CDH23: variants seen among roughly 807,000 people sequenced by gnomAD.
CDH23 encodes the protein cadherin related 23, also known as cadherin-23.
A neutral mutation model predicts 317.1 loss-of-function variants in CDH23; 189 were observed. The ratio of observed to expected loss-of-function variants is 0.60; its 90% CI spans 0.53 to 0.67. The LOEUF (loss-of-function observed/expected upper bound fraction) is 0.67. CDH23 is among the 30% of genes least tolerant of loss of function. The pLI is 0.00. For synonymous variants in CDH23, 1,839 were observed against 1,876.8 expected (o/e 0.98, Z 0.52); for missense variants, 4,401 against 4,592.4 (o/e 0.96, Z 1.20).
chr10:71,625,234 G>A (rs1236284751), intron 11 of CDH23, among the ~76,000 whole-genome samples: 5 of 151,574 alleles, frequency 3.3e-5, no homozygotes, highest in Admixed American at 6.6e-5. Context: ...TGGTCCCACC[G>A]AGCGGAGGGG....
At chr10:71,656,320 G>A (rs1014796118) in intron 14 of CDH23, among the ~76,000 whole-genome samples, 19 of 152,184 alleles carry the variant, frequency 1.2e-4, no homozygotes, top group African/African-American at 4.6e-4. Flanking sequence ...TTCTGGGCAG[G>A]GCCAGGTGCC....
At chr10:71,700,617 C>A (rs1452806003) in intron 22 of CDH23, among the ~76,000 whole-genome samples, 3 of 152,170 alleles carry the variant, frequency 2.0e-5, no homozygotes, top group Non-Finnish European at 4.4e-5. Flanking sequence ...CACCTCAGAC[C>A]TGGAAGGCAG....
At chr10:71,767,178 C>T (rs148779178) in intron 38 of CDH23, among the ~76,000 whole-genome samples, 5 of 152,316 alleles carry the variant, frequency 3.3e-5, no homozygotes, top group African/African-American at 9.6e-5. Context: ...TCTCAGAATG[C>T]CAGTTTTTGT....
At chr10:71,793,107 C>G in intron 47 of CDH23, 75 bp from the exon 48 acceptor site, 1 of 1,171,968 alleles carries the variant, frequency 8.5e-7, no homozygotes, top group Non-Finnish European at 1.2e-6. Flanking sequence ...GAGAAGATCA[C>G]CAACAAATGT....
intron 1 of CDH23, among the ~76,000 whole-genome samples, chr10:71,418,323 C>A (rs1848615041): frequency 1.3e-5 from 2 of 152,212 alleles, no homozygotes; most frequent in African/African-American, 4.8e-5. Context: ...CAGCAGGCAG[C>A]AGAGCAGCTG....
At chr10:71,401,761 G>A (rs1847792570) in intron 1 of CDH23, among the ~76,000 whole-genome samples, 2 of 152,154 alleles carry the variant, frequency 1.3e-5, no homozygotes, top group Non-Finnish European at 2.9e-5. Flanking sequence ...GGTTATTCCC[G>A]GGGGCATAAT....
At chr10:71,615,267 A>C (rs1200264917) in intron 9 of CDH23, among the ~76,000 whole-genome samples, 3 of 152,224 alleles carry the variant, frequency 2.0e-5, no homozygotes, top group Non-Finnish European at 4.4e-5. Context: ...CACAGAGACC[A>C]GAAGGAGATT....
In CDH23 at chr10:71,467,095, G is replaced by A. The variant is rs141466393; in HGVS notation, c.145+20700G>A. Among the ~76,000 whole-genome samples the A allele has an allele frequency of 2.4e-3, 369 of 152,272 alleles. 4 individuals are homozygous for A. Among genetic ancestry groups the A allele is most frequent in the African/African-American group, 8.6e-3 (356 of 41,540 alleles). On this transcript the variant is annotated intron_variant, in intron 3 of 69. Transcript: ENST00000224721. ...GTTTCTCCGCAGAGGATGCTAGCAA[G>A]AGCTGCAAGGAGGGGCTGGGCACAA...
intron 1 of CDH23, among the ~76,000 whole-genome samples, chr10:71,418,743 A>C (rs1215548671): frequency 6.6e-6 from 1 of 152,190 alleles, no homozygotes; most frequent in African/African-American, 2.4e-5. Flanking sequence ...TTCTAGTCTC[A>C]TGGAGATTGT....
In CDH23 at chr10:71,439,824, C is replaced by T. The variant is rs1460310589; in HGVS notation, c.-5-3C>T. On this transcript the variant is annotated splice_polypyrimidine_tract_variant and splice_region_variant and intron_variant, in intron 1 of 69. Coordinates refer to ENST00000224721, the MANE Select transcript of CDH23 (RefSeq NM_022124.6). ...ACCCTCTTCTCTTTCTTTGTGTCCC[C>T]AGGAGCCATGGGGCGCCATGTTGCC... The T allele has an allele frequency of 6.4e-7, 1 of 1,559,886 alleles. No individual in the cohort carries two copies. Among genetic ancestry groups the T allele is most frequent in the Non-Finnish European group, 8.7e-7 (1 of 1,150,956 alleles).
intron 6 of CDH23, among the ~76,000 whole-genome samples, chr10:71,518,274 A>G (rs868739573): frequency 6.6e-6 from 1 of 152,162 alleles, no homozygotes; most frequent in Non-Finnish European, 1.5e-5. Context: ...AGCATGTTCC[A>G]TCCTGTGTCC....
chr10:71,670,192 G>T (rs964024642), intron 14 of CDH23, among the ~76,000 whole-genome samples: 3 of 152,158 alleles, frequency 2.0e-5, no homozygotes, highest in Non-Finnish European at 4.4e-5. Context: ...TATAAACCCC[G>T]CCTCGCCCCA....
chr10:71,479,900 C>G (rs902262662), intron 3 of CDH23, among the ~76,000 whole-genome samples: 1 of 152,126 alleles, frequency 6.6e-6, no homozygotes, highest in African/African-American at 2.4e-5. Context: ...AGATGATGTT[C>G]CTGTTAGTAT....
intron 16 of CDH23, among the ~76,000 whole-genome samples, chr10:71,678,151 G>A (rs147543529): frequency 7.9e-4 from 120 of 151,560 alleles, no homozygotes; most frequent in Middle Eastern, 3.4e-3. Context: ...CCCACCCCCC[G>A]ACCCATCCAC....
At chr10:71,698,714 C>T (rs1865481374) in intron 22 of CDH23, among the ~76,000 whole-genome samples, 1 of 152,168 alleles carries the variant, frequency 6.6e-6, no homozygotes, top group Non-Finnish European at 1.5e-5. Context: ...TTAGAGAGGC[C>T]CTGCCTGACT....
chr10:71,446,448 T>G, intron 3 of CDH23, 53 bp downstream of exon 3: 1 of 1,516,722 alleles, frequency 6.6e-7, no homozygotes, highest in Admixed American at 1.7e-5. Context: ...GTGCAATCCC[T>G]TCCCACAAGT....
chr10:71,525,318 G>A (rs1207560265), intron 6 of CDH23, among the ~76,000 whole-genome samples: 2 of 152,238 alleles, frequency 1.3e-5, no homozygotes, highest in Non-Finnish European at 1.5e-5. Context: ...ACTTGTTACA[G>A]CAGCCATAGG....
At chr10:71,402,701 TCCTG>T (rs1395330885) in intron 1 of CDH23, among the ~76,000 whole-genome samples, 1 of 136,396 alleles carries the variant, frequency 7.3e-6, no homozygotes, top group Non-Finnish European at 1.5e-5. Context: ...ATTGAATTCT[TCCTG>T]AGTGTGTGTG....
At chr10:71,761,533 TG>T in intron 38 of CDH23, 2 of 1,466,182 alleles carry the variant, frequency 1.4e-6, no homozygotes, top group Non-Finnish European at 1.8e-6. Context: ...GTGTCATGAA[TG>T]GTCACACCAT....
Sources: allele counts gnomAD v4.1 joint callset (sites outside exome capture counted in the v4.1 genomes callset), GRCh38; gene constraint gnomAD v4.1.1; transcripts MANE v1.5; gene names NCBI Gene and HGNC (gene_info 2026-07-23, HGNC 2026-07-21).